Variants in VPS13C observed in about 807,000 individuals in gnomAD.
The protein encoded by VPS13C is intermembrane lipid transfer protein VPS13C.
A neutral mutation model predicts 456.8 loss-of-function variants in VPS13C; 358 were observed. The ratio of observed to expected loss-of-function variants is 0.78; its 90% confidence interval spans 0.72 to 0.86. The LOEUF (loss-of-function observed/expected upper bound fraction) is 0.86. Ranked by LOEUF, VPS13C falls within the 40% of genes least tolerant of loss-of-function variation. The probability of loss-of-function intolerance (pLI) is 0.00; values close to 1 mark genes in which losing one functional copy is unlikely to be tolerated. For synonymous variants in VPS13C, 1,578 were observed against 1,486.7 expected (o/e 1.06, Z -1.41); for missense variants, 4,818 against 4,385.4 (o/e 1.10, Z -2.79).
chr15:61,870,567 T>A (rs943765128), intron 79 of VPS13C, among the ~76,000 whole-genome samples: 1 of 152,228 alleles, frequency 6.6e-6, no homozygotes, highest in African/African-American at 2.4e-5. Context: ...CTTTTGGTTA[T>A]TTTGAATAAT....
chr15:61,950,504 T>G, intron 40 of VPS13C, 87 bp from the exon 41 acceptor site: 1 of 1,070,788 alleles, frequency 9.3e-7, no homozygotes. Context: ...CTTTTCTAAG[T>G]ATGCTATTAA....
At chr15:62,015,412 G>T (rs2047198329) in intron 9 of VPS13C, among the ~76,000 whole-genome samples, 1 of 151,894 alleles carries the variant, frequency 6.6e-6, no homozygotes, top group Non-Finnish European at 1.5e-5. Flanking sequence ...TGGTGTTTTG[G>T]ACATGAAGTC....
In VPS13C at chr15:62,037,252, TTTATATATATTATATTATATAATATATTA is replaced by T. The variant is rs1164506521; in HGVS notation, c.188-2229_188-2201del. On this transcript the variant is annotated intron_variant, in intron 3 of 84. Transcript: ENST00000644861. ...ATTATATATAAATATATATAATATA[TTTATATATATTATATTATATAATATATTA>T]TATATATTATATTATATAATATATA... is the stretch of plus-strand genomic sequence containing the variant. 1.3e-3 allele frequency among the ~76,000 whole-genome samples: 29 copies of T among 22,206 alleles called. 2 individuals carry two copies. The highest frequency in any genetic ancestry group is 3.5e-3 in the Admixed American group (3 of 868). 14.6% of individuals were successfully genotyped at this position (22,206 alleles called of 152,430 possible).
chr15:62,008,744 G>T lies in VPS13C; in HGVS notation c.1029C>A (p.Asp343Glu), dbSNP rs927947045. Residue 343 changes from aspartate (D) to glutamate (E), a missense_variant, in exon 14 of 85, where the codon GAC becomes GAA. Physicochemically the swap from Asp to Glu is conservative, Grantham distance 45 (BLOSUM62 2). This residue lies in a region of VPS13C where 4,552 missense variants were observed against 4,130.6 expected (regional missense o/e 1.10). Transcript: ENST00000644861. ...CCATATAATCCACTGACTCCAAAAGGTCAATCATACTTAAGTACTGTTAAA... is the reference window on the plus strand; with the variant it reads ...CCATATAATCCACTGACTCCAAAAGTTCAATCATACTTAAGTACTGTTAAA... ...LTKPQYLSMI[D>E]LLESVDYMVR... The T allele has an allele frequency of 3.1e-6, 5 of 1,599,734 alleles. No homozygotes were observed. In the African/African-American group the frequency reaches 6.7e-5, roughly 21 times the overall value.
chr15:62,034,004 A>T (rs1201731961), intron 4 of VPS13C, among the ~76,000 whole-genome samples: 1 of 151,606 alleles, frequency 6.6e-6, no homozygotes, highest in Non-Finnish European at 1.5e-5. Flanking sequence ...TAGTAATGTC[A>T]TTTCTGATCA....
chr15:61,960,278 T>C (rs1398515456), intron 35 of VPS13C, among the ~76,000 whole-genome samples: 1 of 152,178 alleles, frequency 6.6e-6, no homozygotes. Context: ...AGTAGTCATG[T>C]AGTCATAAAA....
chr15:62,030,432 C>T (rs928602688), intron 5 of VPS13C, among the ~76,000 whole-genome samples: 1 of 151,964 alleles, frequency 6.6e-6, no homozygotes, highest in African/African-American at 2.4e-5. Context: ...CATCTTCTGC[C>T]GTGACTGAAA....
intron 11 of VPS13C, 115 bp downstream of exon 11, chr15:62,012,924 G>A (rs767549622): frequency 1.7e-6 from 1 of 573,542 alleles, no homozygotes; most frequent in East Asian, 3.1e-5. Context: ...TTCTGATTTA[G>A]TGAAATACAA....
chr15:62,011,919 C>A (rs2047053142), intron 12 of VPS13C, among the ~76,000 whole-genome samples, 188 bp downstream of exon 12: 1 of 151,890 alleles, frequency 6.6e-6, no homozygotes, highest in Non-Finnish European at 1.5e-5. Context: ...CTCTCTTATT[C>A]TCCAGTGGTG....
At chr15:61,912,788 C>G (rs1341180101) in intron 62 of VPS13C, among the ~76,000 whole-genome samples, 1 of 110,002 alleles carries the variant, frequency 9.1e-6, no homozygotes, top group African/African-American at 3.4e-5. Context: ...GCTATCCCTC[C>G]CCCCTCCCCC....
At chr15:61,898,396 G>C (rs1393753252) in intron 66 of VPS13C, among the ~76,000 whole-genome samples, 40 of 149,086 alleles carry the variant, frequency 2.7e-4, no homozygotes, top group South Asian at 1.3e-3. Context: ...CAAAATAAAA[G>C]GATGGAGGAA....
At chr15:61,921,858 A>G (rs1443257810) in intron 55 of VPS13C, 89 bp downstream of exon 55, 1 of 1,365,130 alleles carries the variant, frequency 7.3e-7, no homozygotes, top group Non-Finnish European at 1.0e-6. Context: ...CAAGGATCCT[A>G]GACCACATCT....
intron 81 of VPS13C, chr15:61,866,073 G>A (rs1894568355): frequency 1.0e-6 from 1 of 984,458 alleles, no homozygotes; most frequent in Non-Finnish European, 1.2e-6. Context: ...GGCTTCTTTT[G>A]TATATCCAGT....
chr15:62,010,210 C>A (rs79125820), intron 13 of VPS13C, among the ~76,000 whole-genome samples: 8,173 of 151,948 alleles, frequency 0.054, 285 homozygotes, highest in Non-Finnish European at 0.084. Flanking sequence ...AATCTTCCAT[C>A]AACAATTGTG....
Position 61,991,025 on chromosome 15 carries a change from G to T in VPS13C, c.1553C>A (p.Thr518Asn), listed in dbSNP as rs1483012769. ...LFTAIGYSES[T>N]HNLTLPKQYV... ...CTGCTTAGGTAAAGTTAGGTTGTGG[G>T]TACTCTCACTATAACCAATGGCAGT... The change falls in exon 18 of 85, where the codon ACC (threonine) becomes AAC (asparagine). Residue 518 changes from threonine to asparagine, a missense_variant. By Grantham distance (65) the Thr-to-Asn change is moderately conservative. This residue lies in a region of VPS13C where 4,552 missense variants were observed against 4,130.6 expected (regional missense o/e 1.10). Transcript: ENST00000644861. 2 of 1,612,316 alleles carry T rather than the reference G, an allele frequency of 1.2e-6. No homozygotes were observed. Among genetic ancestry groups the T allele is most frequent in the African/African-American group, 2.7e-5 (2 of 74,792 alleles).
At position 62,039,318 on chromosome 15, in the gene VPS13C, T is replaced by C. The variant is rs146458209; in HGVS notation, c.187+2006A>G. On this transcript the variant is annotated intron_variant, in intron 3 of 84. Coordinates refer to ENST00000644861, the MANE Select transcript of VPS13C (RefSeq NM_020821.3). ...TGAAGCTAGAGGCCATTATCTTAAG[T>C]AAATCAACTCAAAGGTGGAAAATCT... Among the ~76,000 whole-genome samples the C allele has an allele frequency of 1.6e-3, 239 of 152,172 alleles. 1 individual carries two copies. Among genetic ancestry groups the C allele is most frequent in the South Asian group, 4.6e-3 (22 of 4,810 alleles).
At chr15:61,907,146 C>T in intron 66 of VPS13C, 118 bp downstream of exon 66, 1 of 1,499,472 alleles carries the variant, frequency 6.7e-7, no homozygotes. Flanking sequence ...GCTACTTTTT[C>T]TGGAAATACT....
chr15:61,961,693 T>C lies in VPS13C; in HGVS notation c.3804A>G (p.Leu1268=), dbSNP rs1304591538. Residue 1268 remains leucine, a synonymous_variant, in exon 35 of 85, where the codon TTA becomes TTG. Transcript: ENST00000644861. The stretch of plus-strand genomic sequence containing the variant: ...GACTGAACTGATTATGAACTCTGAT[T>C]AACCCAAGATCTACCACTACTGCAT... ...STNAVVVDLG[L]IRVHNQFSLV... The C allele has an allele frequency of 6.2e-7, 1 of 1,613,594 alleles. No individual in the cohort carries two copies. Among genetic ancestry groups the C allele is most frequent in the African/African-American group, 1.3e-5 (1 of 74,704 alleles).
intron 5 of VPS13C, among the ~76,000 whole-genome samples, chr15:62,031,087 GTTTATT>G: frequency 6.6e-6 from 1 of 152,090 alleles, no homozygotes; most frequent in South Asian, 2.1e-4. Context: ...ACATCAAAGA[GTTTATT>G]TTTACAGTTA....
Sources: gnomAD v4.1 joint callset for allele counts (sites outside exome capture counted in the v4.1 genomes callset) on GRCh38, gnomAD v4.1.1 for gene constraint, gnomAD v4.1.1 regional missense constraint, MANE v1.5 for transcripts, NCBI Gene and HGNC (gene_info 2026-07-23, HGNC 2026-07-21) for gene names.